Variants in CCSER1 observed in about 807,000 individuals in gnomAD.
The protein encoded by CCSER1 is coiled-coil serine rich protein 1, also known as serine-rich coiled-coil domain-containing protein 1.
In CCSER1, 41 loss-of-function variants were observed where a neutral mutation model predicts 82.0. The observed-to-expected ratio is 0.50, with a 90% CI of 0.39 to 0.65. CCSER1 has a LOEUF of 0.65. CCSER1 is among the 30% of genes least tolerant of loss of function. The pLI is 0.00. For synonymous variants in CCSER1, 414 were observed against 383.9 expected (o/e 1.08, Z -0.92); for missense variants, 1,119 against 1,064.2 (o/e 1.05, Z -0.72).
chr4:90,160,700 G>A (rs909809165), intron 1 of CCSER1, among the ~76,000 whole-genome samples: 13 of 152,154 alleles, frequency 8.5e-5, no homozygotes, highest in African/African-American at 3.1e-4. Flanking sequence ...GAATCATGAG[G>A]TAGATAAACT....
At chr4:91,179,931 CT>C (rs1043385711) in intron 10 of CCSER1, among the ~76,000 whole-genome samples, 3 of 152,184 alleles carry the variant, frequency 2.0e-5, no homozygotes, top group African/African-American at 7.2e-5. Context: ...TTCTCCTCAT[CT>C]TTTTGGTTTT....
intron 3 of CCSER1, among the ~76,000 whole-genome samples, chr4:90,362,591 G>A (rs1745558411): frequency 6.6e-6 from 1 of 152,142 alleles, no homozygotes; most frequent in Non-Finnish European, 1.5e-5. Context: ...ATATTAGAAT[G>A]GGACCAAATT....
intron 3 of CCSER1, chr4:90,325,628 A>T (rs1384654671): frequency 2.2e-6 from 1 of 449,504 alleles, no homozygotes; most frequent in Admixed American, 2.4e-5. Flanking sequence ...ATCTGAATAG[A>T]TGCTTCACAA....
intron 10 of CCSER1, among the ~76,000 whole-genome samples, chr4:91,440,801 C>T (rs906699284): frequency 1.3e-5 from 2 of 152,090 alleles, no homozygotes; most frequent in African/African-American, 4.8e-5. Context: ...ACCACCAATC[C>T]CACAGAAATA....
chr4:91,199,762 T>C (rs1418932344), intron 10 of CCSER1, among the ~76,000 whole-genome samples: 1 of 152,040 alleles, frequency 6.6e-6, no homozygotes, highest in African/African-American at 2.4e-5. Flanking sequence ...CTTAAAATGT[T>C]TATTGTTGCA....
chr4:90,749,363 T>C (rs1267541822), intron 7 of CCSER1, among the ~76,000 whole-genome samples: 1 of 151,752 alleles, frequency 6.6e-6, no homozygotes, highest in Non-Finnish European at 1.5e-5. Flanking sequence ...TGCGGCGTTA[T>C]TTCTGAGGGC....
At chr4:90,767,824 T>C (rs890055893) in intron 7 of CCSER1, among the ~76,000 whole-genome samples, 2 of 152,020 alleles carry the variant, frequency 1.3e-5, no homozygotes, top group East Asian at 2.0e-4. Flanking sequence ...TGTGCCACCA[T>C]GCCTGGCTTA....
At chr4:91,589,425 T>A (rs1278824577) in intron 10 of CCSER1, among the ~76,000 whole-genome samples, 1 of 151,976 alleles carries the variant, frequency 6.6e-6, no homozygotes, top group Non-Finnish European at 1.5e-5. Flanking sequence ...CCACAGCGAT[T>A]GGCTATAAAG....
chr4:90,246,244 T>C (rs1171314702), intron 1 of CCSER1, among the ~76,000 whole-genome samples: 1 of 152,104 alleles, frequency 6.6e-6, no homozygotes, highest in East Asian at 1.9e-4. Flanking sequence ...ACACATGAGG[T>C]AATTAAGGTT....
At chr4:91,159,467 C>T (rs1264402772) in intron 10 of CCSER1, among the ~76,000 whole-genome samples, 1 of 151,798 alleles carries the variant, frequency 6.6e-6, no homozygotes, top group Non-Finnish European at 1.5e-5. Context: ...GGCATTATGT[C>T]TGTTAGTAGT....
intron 1 of CCSER1, among the ~76,000 whole-genome samples, chr4:90,243,574 T>C (rs7657700): frequency 1.9e-4 from 28 of 143,598 alleles, no homozygotes; most frequent in African/African-American, 7.6e-4. Context: ...TTTGGGGAGG[T>C]GGGGGGTCTT....
chr4:90,513,325 G>A (rs1169485194), intron 5 of CCSER1, among the ~76,000 whole-genome samples: 2 of 152,152 alleles, frequency 1.3e-5, no homozygotes, highest in Non-Finnish European at 2.9e-5. Flanking sequence ...AGGAAGACAG[G>A]TAATAGGTAA....
intron 3 of CCSER1, among the ~76,000 whole-genome samples, chr4:90,346,994 G>C (rs960690354): frequency 6.6e-6 from 1 of 152,056 alleles, no homozygotes; most frequent in African/African-American, 2.4e-5. Context: ...ATGTTTCTAT[G>C]CCCTATGCAG....
At chr4:90,242,511 A>T (rs1720543749) in intron 1 of CCSER1, among the ~76,000 whole-genome samples, 1 of 152,330 alleles carries the variant, frequency 6.6e-6, no homozygotes, top group Non-Finnish European at 1.5e-5. Flanking sequence ...GAAAAGGATG[A>T]TGATAATAAA....
At chr4:90,337,897 G>C (rs967713856) in intron 3 of CCSER1, among the ~76,000 whole-genome samples, 1 of 152,126 alleles carries the variant, frequency 6.6e-6, no homozygotes, top group African/African-American at 2.4e-5. Flanking sequence ...GTCTGGCTGG[G>C]ATTTTCTCTT....
chr4:90,868,200 C>T (rs1249748962), intron 8 of CCSER1, among the ~76,000 whole-genome samples: 1 of 151,896 alleles, frequency 6.6e-6, no homozygotes, highest in Admixed American at 6.6e-5. Flanking sequence ...TGCAAATAGT[C>T]CGGTTATACT....
intron 5 of CCSER1, among the ~76,000 whole-genome samples, chr4:90,501,796 T>A (rs1769920481): frequency 6.6e-6 from 1 of 152,188 alleles, no homozygotes; most frequent in African/African-American, 2.4e-5. Flanking sequence ...GCCCTTTATA[T>A]GTAGACTGCA....
intron 4 of CCSER1, among the ~76,000 whole-genome samples, chr4:90,416,868 T>TA (rs1271277827): frequency 2.6e-5 from 4 of 152,138 alleles, no homozygotes; most frequent in African/African-American, 7.2e-5. Flanking sequence ...GCATTTACCA[T>TA]AAAAAAGAAT....
intron 9 of CCSER1, among the ~76,000 whole-genome samples, chr4:91,020,330 C>T (rs990073477): frequency 6.6e-6 from 1 of 152,136 alleles, no homozygotes; most frequent in Admixed American, 6.5e-5. Context: ...CTCTAATTAT[C>T]GACATGTGAC....
Sources: gnomAD v4.1 joint callset for allele counts (sites outside exome capture counted in the v4.1 genomes callset) on GRCh38, gnomAD v4.1.1 for gene constraint, MANE v1.5 for transcripts, NCBI Gene and HGNC (gene_info 2026-07-23, HGNC 2026-07-21) for gene names.